PLEKHA5: variants seen among roughly 807,000 people sequenced by gnomAD.
The protein encoded by PLEKHA5 is pleckstrin homology domain-containing family A member 5.
Under a neutral mutation model 181.9 loss-of-function variants are expected in PLEKHA5, and 55 were observed. That is an observed-to-expected ratio of 0.30 (90% confidence interval 0.24 to 0.38). PLEKHA5 has a LOEUF of 0.38. Among genes scored for constraint, PLEKHA5 ranks in the 10% least tolerant of loss-of-function variants. The pLI is 1.00. For synonymous variants in PLEKHA5, 535 were observed against 529.4 expected (o/e 1.01, Z -0.15); for missense variants, 1,432 against 1,549.5 (o/e 0.92, Z 1.27).
intron 15 of PLEKHA5, among the ~76,000 whole-genome samples, chr12:19,293,393 C>T (rs985972177): frequency 9.2e-5 from 14 of 152,062 alleles, no homozygotes; most frequent in African/African-American, 3.4e-4. Context: ...TAAAAATCAG[C>T]ATTTCATGTA....
At chr12:19,275,054 C>A in intron 11 of PLEKHA5, 71 bp downstream of exon 11, 3 of 975,774 alleles carry the variant, frequency 3.1e-6, no homozygotes, top group South Asian at 3.1e-5. Context: ...GGTTTCTGAG[C>A]TACTGATTAA....
At chr12:19,242,520 C>T (rs1592175689) in intron 3 of PLEKHA5, among the ~76,000 whole-genome samples, 1 of 152,126 alleles carries the variant, frequency 6.6e-6, no homozygotes, top group African/African-American at 2.4e-5. Context: ...GAATTACAGG[C>T]GTGAGCCACC....
At chr12:19,318,173 A>G (rs2089613244) in intron 16 of PLEKHA5, among the ~76,000 whole-genome samples, 1 of 151,908 alleles carries the variant, frequency 6.6e-6, no homozygotes, top group Admixed American at 6.6e-5. Context: ...TTCTGTCATA[A>G]AAGCAATGTG....
intron 15 of PLEKHA5, chr12:19,306,487 C>G (rs982946330): frequency 1.4e-6 from 1 of 692,856 alleles, no homozygotes; most frequent in Admixed American, 1.9e-5. Context: ...TCCTCTTCCC[C>G]CTCCTTGCTG....
intron 3 of PLEKHA5, chr12:19,205,393 A>G: frequency 1.0e-6 from 1 of 984,482 alleles, no homozygotes; most frequent in Non-Finnish European, 1.2e-6. Context: ...TTTAGAAACC[A>G]GAAGCCTGAG....
intron 3 of PLEKHA5, among the ~76,000 whole-genome samples, chr12:19,211,276 T>G (rs2056842996): frequency 6.6e-6 from 1 of 152,158 alleles, no homozygotes; most frequent in African/African-American, 2.4e-5. Flanking sequence ...CCAGAACCTG[T>G]GAAGGCTACT....
chr12:19,304,201 T>TC (rs2152933426), intron 15 of PLEKHA5, among the ~76,000 whole-genome samples: 1 of 152,010 alleles, frequency 6.6e-6, no homozygotes, highest in South Asian at 2.1e-4. Context: ...GGTCAGGCGT[T>TC]CAAGACCAGC....
chr12:19,212,662 A>G (rs1159993402), intron 3 of PLEKHA5, among the ~76,000 whole-genome samples: 1 of 152,130 alleles, frequency 6.6e-6, no homozygotes, highest in Non-Finnish European at 1.5e-5. Context: ...AAAAAGAAAA[A>G]TTAATCCATG....
intron 3 of PLEKHA5, among the ~76,000 whole-genome samples, chr12:19,240,985 T>G (rs1205524753): frequency 6.6e-6 from 1 of 152,174 alleles, no homozygotes; most frequent in Non-Finnish European, 1.5e-5. Flanking sequence ...TTATAAGTGC[T>G]TTTTCCATAT....
intron 3 of PLEKHA5, among the ~76,000 whole-genome samples, chr12:19,147,859 C>T (rs1431299758): frequency 6.6e-5 from 10 of 152,002 alleles, no homozygotes; most frequent in Admixed American, 5.2e-4. Context: ...GCCTCAGCCT[C>T]CCGAGTAGCT....
intron 30 of PLEKHA5, among the ~76,000 whole-genome samples, chr12:19,366,816 G>T (rs1192077302): frequency 6.6e-6 from 1 of 152,106 alleles, no homozygotes; most frequent in Non-Finnish European, 1.5e-5. Flanking sequence ...TCCATACCTG[G>T]CTGTTCCTTC....
chr12:19,170,428 CT>C (rs58933149), intron 3 of PLEKHA5, among the ~76,000 whole-genome samples: 122,493 of 140,046 alleles, frequency 0.87, 54,014 homozygotes, highest in Non-Finnish European at 0.96. Flanking sequence ...ATTCAGAAGA[CT>C]TTTTTTTTTT....
intron 3 of PLEKHA5, among the ~76,000 whole-genome samples, chr12:19,160,276 T>C (rs948646115): frequency 6.6e-6 from 1 of 152,086 alleles, no homozygotes; most frequent in Non-Finnish European, 1.5e-5. Context: ...ATCCCATTCC[T>C]ATCATTTTCT....
chr12:19,274,630 C>G lies in PLEKHA5; in HGVS notation c.960C>G (p.Ser320Arg). 1 of 1,612,734 alleles carries G rather than the reference C, an allele frequency of 6.2e-7. No homozygotes were observed. Among genetic ancestry groups the G allele is most frequent in the Non-Finnish European group, 8.5e-7 (1 of 1,179,084 alleles). Residue 320 changes from serine (S) to arginine (R), a missense_variant, in exon 11 of 32, where the codon AGC becomes AGG. By Grantham distance (110) the Ser-to-Arg change is moderately radical. Transcript: ENST00000429027. ...ACAATCAAAAAAACAAGGAAATGAG[C>G]AAAATTGAAGAAAAAAAGGCATTAG... ...IQNNQKNKEMSKIEEKKALEA... is the reference protein window; with the variant it reads ...IQNNQKNKEMRKIEEKKALEA...
At position 19,245,620 on chromosome 12, in the gene PLEKHA5, C is replaced by T. The variant is rs1314668; in HGVS notation, c.228-8320C>T. On this transcript the variant is annotated intron_variant, in intron 3 of 31. Transcript: ENST00000429027. ...GCAGGCGCCTGTAATCCCAGCTACT[C>T]GGGAGGCTGAGGCAGGAGAATAGCT... 1.7e-4 allele frequency among the ~76,000 whole-genome samples: 25 copies of T among 143,452 alleles called. No individual in the cohort carries two copies. The East Asian group carries it at 3.7e-3, about 21-fold the overall frequency. The allele number at this position is 143,452 out of a possible 152,430, so 94.1% of individuals were successfully genotyped here.
chr12:19,263,666 G>A (rs2069289059), intron 7 of PLEKHA5, among the ~76,000 whole-genome samples: 1 of 152,148 alleles, frequency 6.6e-6, no homozygotes, highest in Non-Finnish European at 1.5e-5. Flanking sequence ...AATGTCACTT[G>A]AATCCAGTAA....
chr12:19,174,751 G>A (rs1318322527), intron 3 of PLEKHA5, among the ~76,000 whole-genome samples: 1 of 152,072 alleles, frequency 6.6e-6, no homozygotes, highest in Non-Finnish European at 1.5e-5. Context: ...GTCTTTGTTA[G>A]CCTCTTCCAT....
intron 3 of PLEKHA5, among the ~76,000 whole-genome samples, chr12:19,168,045 C>T (rs1320624133): frequency 1.3e-5 from 2 of 152,154 alleles, no homozygotes; most frequent in Non-Finnish European, 2.9e-5. Flanking sequence ...CTACTTCATA[C>T]TGGTTGAGAG....
chr12:19,274,287 G>A (rs962115220), intron 10 of PLEKHA5, among the ~76,000 whole-genome samples: 12 of 152,080 alleles, frequency 7.9e-5, no homozygotes, highest in Admixed American at 2.0e-4. Flanking sequence ...CACTTTTTAC[G>A]CTCTAGTTCT....
Sources: gnomAD v4.1 joint callset for allele counts (sites outside exome capture counted in the v4.1 genomes callset) on GRCh38, gnomAD v4.1.1 for gene constraint, MANE v1.5 for transcripts, NCBI Gene and HGNC (gene_info 2026-07-23, HGNC 2026-07-21) for gene names.